The following TCF25 variants were observed in gnomAD, a reference collection of about 807,000 sequenced individuals.
TCF25 encodes TCF25 ribosome quality control complex subunit.
A neutral mutation model predicts 83.1 loss-of-function variants in TCF25; 41 were observed. The ratio of observed to expected loss-of-function variants is 0.49; its 90% CI spans 0.38 to 0.64. The LOEUF is 0.64. Ranked by LOEUF, TCF25 falls within the 30% of genes least tolerant of loss-of-function variation. TCF25 has a pLI of 0.00. For missense variants in TCF25, 979 were observed against 914.5 expected (o/e 1.07, Z -0.91); for synonymous variants, 458 against 365.0 (o/e 1.25, Z -2.90).
At chr16:89,875,787 G>T (rs1251626511) in intron 1 of TCF25, among the ~76,000 whole-genome samples, 2 of 143,674 alleles carry the variant, frequency 1.4e-5, no homozygotes, top group Non-Finnish European at 3.0e-5. Flanking sequence ...CTCCCAAAGT[G>T]CTGGGATTAC....
rs781045484 is a variant in TCF25, at chr16:89,878,536, G to A, written c.192+4677G>A. ...GGTTATTAACTGAAATGCTGATCGA[G>A]CTTTATCCTAAAGAAGATCAGTCGT... On this transcript the variant is annotated intron_variant, in intron 1 of 17. Transcript: ENST00000263346. 4.1e-6 allele frequency: 5 copies of A among 1,232,640 alleles called. No individual in the cohort carries two copies. The South Asian group carries it at 7.0e-5, about 17-fold the overall frequency. 76.4% of individuals were successfully genotyped at this position (1,232,640 alleles called of 1,614,324 possible).
chr16:89,895,847 G>A, intron 8 of TCF25, 143 bp from the exon 9 acceptor site: 1 of 670,564 alleles, frequency 1.5e-6, no homozygotes, highest in East Asian at 2.9e-5. Flanking sequence ...GGGTGCCCAG[G>A]GGCATGTCTG....
intron 12 of TCF25, among the ~76,000 whole-genome samples, chr16:89,903,260 G>A (rs1438860116): frequency 3.3e-5 from 5 of 152,244 alleles, no homozygotes; most frequent in Admixed American, 6.5e-5. Context: ...CTCTGCCCTC[G>A]GGGCCCGTTC....
chr16:89,882,099 C>G (rs577884977), intron 1 of TCF25, among the ~76,000 whole-genome samples: 2 of 152,300 alleles, frequency 1.3e-5, no homozygotes, highest in African/African-American at 4.8e-5. Context: ...CTGTTCTTAC[C>G]CTTCTCCCAC....
At chr16:89,881,872 G>T (rs900794753) in intron 1 of TCF25, among the ~76,000 whole-genome samples, 12 of 151,808 alleles carry the variant, frequency 7.9e-5, no homozygotes, top group Admixed American at 3.3e-4. Flanking sequence ...CTCCTGCCTC[G>T]GCCTCCCGAG....
Position 89,885,839 on chromosome 16 carries a change from G to A in TCF25, c.430-9G>A. ...TGTGGTGATTAAGAGGTTGTTTTGG[G>A]GCTTTTAGGAAAACGGACTAGAAGA... On this transcript the variant is annotated splice_polypyrimidine_tract_variant and intron_variant, in intron 3 of 17. Coordinates refer to ENST00000263346, the MANE Select transcript of TCF25 (RefSeq NM_014972.3). The A allele has an allele frequency of 6.2e-7, 1 of 1,600,078 alleles. No individual in the cohort carries two copies. The highest frequency in any genetic ancestry group is 8.6e-7 in the Non-Finnish European group (1 of 1,167,926).
rs771243841 is a variant in TCF25, at chr16:89,900,721, T to C, written c.1308T>C (p.Pro436=). ...TGCTGAGCCAGCAGACAGACCTCCC[T>C]GAGTGTGAGCAGAGCTCTGCCAGGC... ...YFLLSQQTDL[P]ECEQSSARQK... is the part of the protein sequence containing the mutation. Residue 436 remains proline (P), a synonymous_variant, in exon 12 of 18, where the codon CCT becomes CCC. Transcript: ENST00000263346. 5 of 1,605,706 alleles carry C rather than the reference T, an allele frequency of 3.1e-6. No homozygotes were observed. The highest frequency in any genetic ancestry group is 4.3e-6 in the Non-Finnish European group (5 of 1,173,002).
Position 89,900,792 on chromosome 16 carries a change from G to A in TCF25, c.1379G>A (p.Gly460Glu), listed in dbSNP as rs1309171897. 4 of 1,571,370 alleles carry A rather than the reference G, an allele frequency of 2.5e-6. No individual in the cohort carries two copies. Among genetic ancestry groups the A allele is most frequent in the Non-Finnish European group, 3.5e-6 (4 of 1,145,710 alleles). Residue 460 changes from glycine to glutamate, a missense_variant and splice_region_variant, in exon 12 of 18, where the codon GGA (glycine) becomes GAA (glutamate). Gly to Glu is a moderately conservative substitution (Grantham distance 98, BLOSUM62 -2). Coordinates refer to ENST00000263346, the MANE Select transcript of TCF25 (RefSeq NM_014972.3). ...LIQQALTMFP[G>E]VLLPLLESCS... ...CAGCAGGCGCTCACCATGTTCCCTG[G>A]AGGTGAGTGAGCGCTGTGTCTCGCC... is the stretch of plus-strand genomic sequence containing the variant.
At chr16:89,887,602 G>A (rs374555844) in intron 4 of TCF25, 50 bp from the exon 5 acceptor site, 12 of 1,527,486 alleles carry the variant, frequency 7.9e-6, no homozygotes, top group African/African-American at 2.8e-5. Flanking sequence ...TTTTGGAATC[G>A]TCTTAGAACA....
At chr16:89,893,611 C>G (rs995954599) in intron 6 of TCF25, 117 bp from the exon 7 acceptor site, 12 of 1,517,458 alleles carry the variant, frequency 7.9e-6, no homozygotes, top group Non-Finnish European at 9.0e-6. Context: ...ACACTCAGGT[C>G]AAGTTTGTCG....
chr16:89,898,545 T>C lies in TCF25; in HGVS notation c.1023-12T>C. On this transcript the variant is annotated splice_polypyrimidine_tract_variant and intron_variant, in intron 9 of 17. Coordinates refer to ENST00000263346, the MANE Select transcript of TCF25 (RefSeq NM_014972.3). Reference sequence around the variant, plus strand: ...TGTCGTTGTAATTCATGTGGAACTATTTTGGATCTAGGAGCTTCTACCTGG... The same window carrying C: ...TGTCGTTGTAATTCATGTGGAACTACTTTGGATCTAGGAGCTTCTACCTGG... The C allele has an allele frequency of 6.3e-7, 1 of 1,591,502 alleles. No homozygotes were observed. Among genetic ancestry groups the C allele is most frequent in the East Asian group, 2.3e-5 (1 of 43,648 alleles).
chr16:89,905,684 GGGTGCCCAAGAGGCGCT>G (rs1237778367), intron 14 of TCF25, among the ~76,000 whole-genome samples: 1 of 152,238 alleles, frequency 6.6e-6, no homozygotes, highest in Non-Finnish European at 1.5e-5. Context: ...GTGTGCCCGG[GGGTGCCCAAGAGGCGCT>G]GGTGCCCCCA....
At chr16:89,894,906 A>G in intron 7 of TCF25, 132 bp from the exon 8 acceptor site, 2 of 657,424 alleles carry the variant, frequency 3.0e-6, no homozygotes, top group Non-Finnish European at 5.0e-6. Context: ...CAGCCTCCCA[A>G]AGTGGTGGGA....
chr16:89,888,703 T>A (rs1178371880), intron 5 of TCF25, among the ~76,000 whole-genome samples: 1 of 149,326 alleles, frequency 6.7e-6, no homozygotes, highest in Non-Finnish European at 1.5e-5. Context: ...TTGAGGCAGA[T>A]TCTTGCTCTG....
Position 89,873,798 on chromosome 16 carries a change from G to C in TCF25, c.131G>C (p.Gly44Ala). The C allele has an allele frequency of 1.2e-6, 2 of 1,604,306 alleles. No individual in the cohort carries two copies. The highest frequency in any genetic ancestry group is 1.7e-6 in the Non-Finnish European group (2 of 1,176,626). The change falls in exon 1 of 18, where the codon GGT (glycine) becomes GCT (alanine). Residue 44 changes from glycine to alanine, a missense_variant. By Grantham distance (60) the Gly-to-Ala change is moderately conservative. Coordinates refer to ENST00000263346, the MANE Select transcript of TCF25 (RefSeq NM_014972.3). ...AEEEGPKREL[G>A]VRRPGGAGKE... Reference sequence around the variant, plus strand: ...GAAGAAGGGCCCAAGCGGGAGCTTGGTGTCCGGCGTCCCGGGGGCGCAGGG... The same window carrying C: ...GAAGAAGGGCCCAAGCGGGAGCTTGCTGTCCGGCGTCCCGGGGGCGCAGGG...
At chr16:89,898,916 G>A in intron 11 of TCF25, 44 bp downstream of exon 11, 4 of 1,573,516 alleles carry the variant, frequency 2.5e-6, no homozygotes, top group Non-Finnish European at 3.5e-6. Flanking sequence ...ACGGACACCT[G>A]CTTCTCCTTC....
At chr16:89,893,321 G>T (rs1347365538) in intron 6 of TCF25, among the ~76,000 whole-genome samples, 1 of 152,180 alleles carries the variant, frequency 6.6e-6, no homozygotes, top group East Asian at 1.9e-4. Flanking sequence ...CTGTGCCACC[G>T]CACTCCAACC....
At chr16:89,903,997 C>A in intron 12 of TCF25, 121 bp from the exon 13 acceptor site, 1 of 1,000,526 alleles carries the variant, frequency 1.0e-6, no homozygotes, top group Non-Finnish European at 1.5e-6. Flanking sequence ...CCTGCAGACT[C>A]TCCACCTTAG....
At chr16:89,908,819 C>G (rs1597396597) in intron 16 of TCF25, 10 of 818,682 alleles carry the variant, frequency 1.2e-5, no homozygotes, top group Non-Finnish European at 1.5e-5. Context: ...CTCGCAGCTC[C>G]CAGCTCCCAG....
Sources: gnomAD v4.1 joint callset for allele counts (sites outside exome capture counted in the v4.1 genomes callset) on GRCh38, gnomAD v4.1.1 for gene constraint, MANE v1.5 for transcripts, NCBI Gene and HGNC (gene_info 2026-07-23, HGNC 2026-07-21) for gene names.